Variants in ZNF385D observed in about 807,000 individuals in gnomAD.
ZNF385D encodes the protein zinc finger protein 385D, also known as zinc finger protein 659.
Under a neutral mutation model 35.8 loss-of-function variants are expected in ZNF385D, and 15 were observed. The observed-to-expected ratio is 0.42, with a 90% CI of 0.28 to 0.64. The LOEUF (loss-of-function observed/expected upper bound fraction) is 0.64. ZNF385D is among the 30% of genes least tolerant of loss of function. The probability of loss-of-function intolerance (pLI) is 0.23; values close to 1 mark genes in which losing one functional copy is unlikely to be tolerated. For missense variants in ZNF385D, 474 were observed against 494.6 expected (o/e 0.96, Z 0.39); for synonymous variants, 212 against 186.8 (o/e 1.13, Z -1.10).
At chr3:22,039,255 CAA>C (rs376799573) in intron 3 of ZNF385D, among the ~76,000 whole-genome samples, 31,317 of 103,706 alleles carry the variant, frequency 0.3, 3,800 homozygotes, top group East Asian at 0.43. Flanking sequence ...TAATCCAAGC[CAA>C]AAAAAAAAAA....
At chr3:22,204,977 TC>T (rs1166025939) in intron 2 of ZNF385D, among the ~76,000 whole-genome samples, 5 of 48,512 alleles carry the variant, frequency 1.0e-4, no homozygotes, top group Admixed American at 2.4e-4. Flanking sequence ...ACTGACCAAA[TC>T]CAAAAAAAAA....
chr3:22,305,502 T>G (rs1703155932), intron 2 of ZNF385D, among the ~76,000 whole-genome samples: 1 of 152,172 alleles, frequency 6.6e-6, no homozygotes, highest in African/African-American at 2.4e-5. Context: ...CAGTCAGCGT[T>G]GGGCTCTGCT....
chr3:21,502,753 T>C (rs1169060422), intron 4 of ZNF385D, among the ~76,000 whole-genome samples: 2 of 152,188 alleles, frequency 1.3e-5, no homozygotes, highest in Non-Finnish European at 2.9e-5. Flanking sequence ...ACCAGCACAC[T>C]CTGCTAGCAC....
chr3:22,253,266 G>A (rs1332983521), intron 2 of ZNF385D, among the ~76,000 whole-genome samples: 3 of 151,836 alleles, frequency 2.0e-5, no homozygotes, highest in Non-Finnish European at 4.4e-5. Context: ...ATGGTAGGAT[G>A]GGAAAAAGTT....
chr3:21,885,595 A>G (rs1359234130), intron 3 of ZNF385D, among the ~76,000 whole-genome samples: 1 of 152,046 alleles, frequency 6.6e-6, no homozygotes, highest in Non-Finnish European at 1.5e-5. Flanking sequence ...TCAATTGGTT[A>G]TAAGACATTT....
intron 2 of ZNF385D, among the ~76,000 whole-genome samples, chr3:21,654,711 A>G (rs866528185): frequency 1.3e-5 from 2 of 152,106 alleles, no homozygotes; most frequent in East Asian, 1.9e-4. Flanking sequence ...CTTACAAAAT[A>G]TAGCCATAAT....
chr3:21,533,448 A>AGCAAT (rs746820023), intron 3 of ZNF385D, among the ~76,000 whole-genome samples: 35 of 152,134 alleles, frequency 2.3e-4, no homozygotes, highest in Non-Finnish European at 4.3e-4. Context: ...TTTGAACTCT[A>AGCAAT]GCAATGTTCC....
chr3:21,683,694 G>C (rs1034832353), intron 1 of ZNF385D, among the ~76,000 whole-genome samples: 6 of 150,060 alleles, frequency 4.0e-5, no homozygotes, highest in African/African-American at 1.5e-4. Context: ...TCTCCGGCTG[G>C]TTGCAGAAGC....
In ZNF385D at chr3:21,417,224, C is replaced by G. The variant is rs1700574772; in HGVS notation, c.*3990G>C. 6.6e-6 allele frequency: 1 copy of G among 151,922 alleles called. No individual in the cohort carries two copies. Among genetic ancestry groups the G allele is most frequent in the Admixed American group, 6.6e-5 (1 of 15,246 alleles). The allele number at this position is 151,922 out of a possible 1,614,324, so 9.4% of individuals were successfully genotyped here. Reference sequence around the variant, plus strand: ...ATTCCTGAGAGGATAAAAGCAATGCCCCTCTAGTGCTGATGTATTAAACCA... The same window carrying G: ...ATTCCTGAGAGGATAAAAGCAATGCGCCTCTAGTGCTGATGTATTAAACCA... On this transcript the variant is annotated 3_prime_UTR_variant, in exon 8 of 8. Coordinates refer to ENST00000281523, the MANE Select transcript of ZNF385D (RefSeq NM_024697.3).
rs139747525 is a variant in ZNF385D, at chr3:21,955,722, C to G, written c.325+213095G>C. ...TATAAAATTGAGTATCTTCGATTAA[C>G]TCATTGAGTTATGGTGGTAAGAGGG... is the stretch of plus-strand genomic sequence containing the variant. On this transcript the variant is annotated intron_variant, in intron 3 of 5. Transcript: ENST00000494108. 4.6e-5 allele frequency among the ~76,000 whole-genome samples: 7 copies of G among 152,288 alleles called. No individual in the cohort carries two copies. The East Asian group carries it at 1.3e-3, about 29-fold the overall frequency.
chr3:21,997,872 C>CGCGT (rs1695577380), intron 3 of ZNF385D, among the ~76,000 whole-genome samples: 3 of 90,144 alleles, frequency 3.3e-5, no homozygotes, highest in South Asian at 4.0e-4. Flanking sequence ...CGCGCGCGCG[C>CGCGT]GTGTGTGTGT....
At chr3:21,900,370 G>A (rs1346681841) in intron 3 of ZNF385D, among the ~76,000 whole-genome samples, 1 of 152,042 alleles carries the variant, frequency 6.6e-6, no homozygotes, top group Non-Finnish European at 1.5e-5. Context: ...ATGGAAGAAA[G>A]CAACCTACCC....
chr3:21,755,240 T>C (rs1219372778), upstream of ZNF385D, among the ~76,000 whole-genome samples: 1 of 152,186 alleles, frequency 6.6e-6, no homozygotes, highest in Non-Finnish European at 1.5e-5. Flanking sequence ...TGTTCCTGAT[T>C]TCAGACTTGC....
chr3:22,343,478 CCCCTGGTGGGACTA>C (rs1408248276), intron 2 of ZNF385D, among the ~76,000 whole-genome samples: 1 of 152,226 alleles, frequency 6.6e-6, no homozygotes, highest in Admixed American at 6.5e-5. Context: ...ACAACTAATT[CCCCTGGTGGGACTA>C]CCCTGGTGGG....
chr3:21,807,154 A>T (rs76273574), intron 3 of ZNF385D, among the ~76,000 whole-genome samples: 11,694 of 152,290 alleles, frequency 0.077, 605 homozygotes, highest in South Asian at 0.12. Context: ...GAAATTAGAA[A>T]AGAATAGCTA....
intron 5 of ZNF385D, among the ~76,000 whole-genome samples, chr3:21,428,570 A>AC (rs1279432339): frequency 2.0e-5 from 3 of 150,536 alleles, no homozygotes; most frequent in East Asian, 2.0e-4. Context: ...CCGCACCCCC[A>AC]CCCCCTGCTT....
chr3:22,242,157 G>A (rs1034517461), intron 2 of ZNF385D, among the ~76,000 whole-genome samples: 4 of 150,582 alleles, frequency 2.7e-5, no homozygotes, highest in African/African-American at 4.9e-5. Flanking sequence ...GCGCACCAGC[G>A]TGGCACCTGT....
intron 5 of ZNF385D, among the ~76,000 whole-genome samples, chr3:21,434,720 G>A (rs1701466239): frequency 6.6e-6 from 1 of 152,134 alleles, no homozygotes; most frequent in South Asian, 2.1e-4. Flanking sequence ...CAGCTTGCTA[G>A]TGCAAGTCTA....
chr3:21,929,601 G>T (rs1307721261), intron 3 of ZNF385D, among the ~76,000 whole-genome samples: 2 of 151,976 alleles, frequency 1.3e-5, no homozygotes, highest in Admixed American at 6.6e-5. Context: ...AACAAGTTCA[G>T]CAAGGAAGCA....
Sources: gnomAD v4.1 joint callset for allele counts (sites outside exome capture counted in the v4.1 genomes callset) on GRCh38, gnomAD v4.1.1 for gene constraint, MANE v1.5 for transcripts, NCBI Gene and HGNC (gene_info 2026-07-23, HGNC 2026-07-21) for gene names.